TAB2: variants seen among roughly 807,000 people sequenced by gnomAD.
TAB2 encodes TGF-beta-activated kinase 1 and MAP3K7-binding protein 2.
TAB2 carries 3 observed loss-of-function variants against 65.0 expected under a neutral mutation model. The ratio of observed to expected loss-of-function variants is 0.05; its 90% CI spans 0.02 to 0.12. The LOEUF is 0.12. TAB2 is among the 10% of genes least tolerant of loss of function. The pLI is 1.00. For missense variants in TAB2, 623 were observed against 840.3 expected (o/e 0.74, Z 3.20); for synonymous variants, 298 against 285.1 (o/e 1.05, Z -0.46).
chr6:149,310,150 A>G (rs1052467023), intron 1 of TAB2, among the ~76,000 whole-genome samples: 5 of 152,084 alleles, frequency 3.3e-5, no homozygotes, highest in African/African-American at 1.2e-4. Flanking sequence ...TCTGGGCAAT[A>G]TGGTGAAACC....
At chr6:149,370,188 G>A (rs1271165434) in intron 2 of TAB2, 89 bp downstream of exon 2, 5 of 1,125,704 alleles carry the variant, frequency 4.4e-6, no homozygotes, top group Admixed American at 3.8e-5. Flanking sequence ...TTATCTTCTT[G>A]TTGGTGTTAG....
At chr6:149,222,701 A>G (rs906416936) in intron 1 of TAB2, among the ~76,000 whole-genome samples, 2 of 151,794 alleles carry the variant, frequency 1.3e-5, no homozygotes, top group Non-Finnish European at 2.9e-5. Flanking sequence ...TGGCTAATAC[A>G]CTATATAACA....
chr6:149,340,862 T>C (rs1196698788), intron 1 of TAB2, among the ~76,000 whole-genome samples: 1 of 152,152 alleles, frequency 6.6e-6, no homozygotes, highest in East Asian at 1.9e-4. Flanking sequence ...AAGGAAATCA[T>C]TTTTTAAAAT....
chr6:149,402,096 AT>A (rs1206353545), intron 6 of TAB2, among the ~76,000 whole-genome samples: 1 of 152,030 alleles, frequency 6.6e-6, no homozygotes, highest in East Asian at 1.9e-4. Flanking sequence ...AATAATAAGA[AT>A]TAGAGCAAAA....
intron 1 of TAB2, among the ~76,000 whole-genome samples, chr6:149,258,537 G>A (rs983560939): frequency 4.6e-5 from 7 of 152,182 alleles, no homozygotes; most frequent in Admixed American, 6.5e-5. Flanking sequence ...TCCAGTAACT[G>A]AACATACAAC....
chr6:149,248,093 A>G (rs73601901), intron 1 of TAB2, among the ~76,000 whole-genome samples: 13,301 of 152,146 alleles, frequency 0.087, 1,011 homozygotes, highest in African/African-American at 0.2. Context: ...AAAGACAGAA[A>G]GAAATAAACA....
At chr6:149,403,273 T>TACAC (rs769873960) in intron 6 of TAB2, among the ~76,000 whole-genome samples, 1,490 of 69,602 alleles carry the variant, frequency 0.021, 67 homozygotes, top group South Asian at 0.033. Context: ...TATATATATA[T>TACAC]ATATATATAT....
At chr6:149,313,602 C>T (rs966882626), upstream of TAB2, among the ~76,000 whole-genome samples, 3 of 152,190 alleles carry the variant, frequency 2.0e-5, no homozygotes, top group East Asian at 1.9e-4. Flanking sequence ...TCCAGCTGGA[C>T]GTCTCTTTAG....
intron 1 of TAB2, among the ~76,000 whole-genome samples, chr6:149,323,918 A>ATT (rs11441324): frequency 8.8e-4 from 134 of 151,892 alleles, no homozygotes; most frequent in African/African-American, 3.0e-3. Flanking sequence ...TACTCTTGTA[A>ATT]TTTTTTTTCT....
At chr6:149,404,863 GT>G (rs1375765072) in intron 6 of TAB2, among the ~76,000 whole-genome samples, 1 of 152,142 alleles carries the variant, frequency 6.6e-6, no homozygotes, top group African/African-American at 2.4e-5. Context: ...GGCAATGATA[GT>G]TTGGATATGA....
chr6:149,304,728 A>C (rs565125883), intron 1 of TAB2, among the ~76,000 whole-genome samples: 1 of 152,292 alleles, frequency 6.6e-6, no homozygotes, highest in East Asian at 1.9e-4. Flanking sequence ...CTCTCATTTT[A>C]TCTAAAGGAC....
rs1490902483 is a variant in TAB2, at chr6:149,411,338, G to C, written c.*1619G>C. Reference sequence around the variant, plus strand: ...GTCAGAGCCCTAACTTTCAGGCTTTGCATTTTGTATATGGGAAGAAATATG... The same window carrying C: ...GTCAGAGCCCTAACTTTCAGGCTTTCCATTTTGTATATGGGAAGAAATATG... On this transcript the variant is annotated 3_prime_UTR_variant, in exon 7 of 7. Coordinates refer to ENST00000637181, the MANE Select transcript of TAB2 (RefSeq NM_001292034.3). The C allele has an allele frequency of 6.6e-6, 1 of 152,484 alleles. No individual in the cohort carries two copies. The highest frequency in any genetic ancestry group is 1.9e-4 in the East Asian group (1 of 5,194). The allele number at this position is 152,484 out of a possible 1,614,324, so 9.4% of individuals were successfully genotyped here.
chr6:149,225,023 C>T (rs1460321792), intron 1 of TAB2, among the ~76,000 whole-genome samples: 2 of 152,148 alleles, frequency 1.3e-5, no homozygotes, highest in Admixed American at 1.3e-4. Context: ...TCTTATAATA[C>T]TTTTCTATTA....
rs1194658539 is a variant in TAB2, at chr6:149,403,319, C to T, written c.1939+4135C>T. Among the ~76,000 whole-genome samples the T allele has an allele frequency of 2.3e-3, 202 of 87,378 alleles. 6 individuals carry two copies. The highest frequency in any genetic ancestry group is 8.9e-3 in the African/African-American group (193 of 21,750). The allele number at this position is 87,378 out of a possible 152,430, so 57.3% of individuals were successfully genotyped here. On this transcript the variant is annotated intron_variant, in intron 6 of 6. Coordinates refer to ENST00000637181, the MANE Select transcript of TAB2 (RefSeq NM_001292034.3). ...ACATATATATATATATATATACACA[C>T]ACATATATATACATATATATACACA...
intron 1 of TAB2, among the ~76,000 whole-genome samples, chr6:149,334,774 A>G (rs532780455): frequency 1.4e-4 from 22 of 152,316 alleles, no homozygotes; most frequent in African/African-American, 4.3e-4. Context: ...TTGAACAAGG[A>G]CATTGTGGTG....
chr6:149,336,649 C>A (rs1779943953), intron 1 of TAB2, among the ~76,000 whole-genome samples: 1 of 151,984 alleles, frequency 6.6e-6, no homozygotes, highest in Non-Finnish European at 1.5e-5. Context: ...AAAAAGAATT[C>A]AAGTAGAAGG....
At chr6:149,331,490 T>G (rs185706279) in intron 1 of TAB2, among the ~76,000 whole-genome samples, 1 of 152,180 alleles carries the variant, frequency 6.6e-6, no homozygotes, top group Non-Finnish European at 1.5e-5. Context: ...TGCCTGTGCA[T>G]AGAGACAGTT....
intron 1 of TAB2, among the ~76,000 whole-genome samples, chr6:149,252,872 C>T (rs1777889120): frequency 6.6e-6 from 1 of 152,192 alleles, no homozygotes; most frequent in South Asian, 2.1e-4. Flanking sequence ...TTCTCTTCCA[C>T]TCTTACCATG....
chr6:149,380,399 A>T (rs12204461), intron 3 of TAB2, among the ~76,000 whole-genome samples: 35,731 of 152,114 alleles, frequency 0.23, 4,403 homozygotes, highest in Non-Finnish European at 0.26. Context: ...ATGTTGGTTA[A>T]TATATTTCTT....
Sources: gnomAD v4.1 joint callset for allele counts (sites outside exome capture counted in the v4.1 genomes callset) on GRCh38, gnomAD v4.1.1 for gene constraint, MANE v1.5 for transcripts, NCBI Gene and HGNC (gene_info 2026-07-23, HGNC 2026-07-21) for gene names.